Variants in ADGRL2 observed in about 807,000 individuals in gnomAD.
ADGRL2 encodes the protein adhesion G protein-coupled receptor L2.
A neutral mutation model predicts 157.4 loss-of-function variants in ADGRL2; 44 were observed. The observed-to-expected ratio is 0.28, with a 90% CI of 0.22 to 0.36. The LOEUF (loss-of-function observed/expected upper bound fraction) is 0.36, where lower values mean the gene tolerates loss of function less well. Ranked by LOEUF, ADGRL2 falls within the 10% of genes least tolerant of loss-of-function variation. ADGRL2 has a pLI of 1.00. For missense variants in ADGRL2, 1,510 were observed against 1,768.9 expected (o/e 0.85, Z 2.63); for synonymous variants, 585 against 624.7 (o/e 0.94, Z 0.95).
chr1:81,983,141 G>A (rs923811299), intron 19 of ADGRL2, among the ~76,000 whole-genome samples: 2 of 151,856 alleles, frequency 1.3e-5, no homozygotes, highest in African/African-American at 2.4e-5. Context: ...AAAGGAGTGA[G>A]GTAGTCATTA....
intron 2 of ADGRL2, among the ~76,000 whole-genome samples, chr1:81,453,154 A>G (rs2077733263): frequency 6.6e-6 from 1 of 152,216 alleles, no homozygotes; most frequent in African/African-American, 2.4e-5. Context: ...TATGTGATAC[A>G]TTGGGGGAAA....
At chr1:81,403,228 G>GTT (rs11338962) in intron 1 of ADGRL2, among the ~76,000 whole-genome samples, 111 of 129,578 alleles carry the variant, frequency 8.6e-4, no homozygotes, top group East Asian at 2.9e-3. Flanking sequence ...ACTTTTCCTT[G>GTT]TTTTTTTTTT....
intron 2 of ADGRL2, among the ~76,000 whole-genome samples, chr1:81,478,504 T>C (rs908044467): frequency 6.6e-6 from 1 of 152,256 alleles, no homozygotes; most frequent in East Asian, 1.9e-4. Flanking sequence ...TAAGTGCAGC[T>C]GGTGCTGGCA....
At chr1:81,681,651 AAGTTTTCATTAACATCTTGC>A (rs2083116401) in intron 3 of ADGRL2, among the ~76,000 whole-genome samples, 1 of 152,214 alleles carries the variant, frequency 6.6e-6, no homozygotes, top group South Asian at 2.1e-4. Context: ...GCAGCTGTGT[AAGTTTTCATTAACATCTTGC>A]AGGTGGAGCC....
intron 1 of ADGRL2, among the ~76,000 whole-genome samples, chr1:81,383,001 T>C (rs751526920): frequency 2.0e-5 from 3 of 152,204 alleles, no homozygotes; most frequent in Non-Finnish European, 2.9e-5. Flanking sequence ...TTCAGACTTG[T>C]ATGTGTTAAG....
chr1:81,860,794 T>A (rs1006193929), intron 2 of ADGRL2, among the ~76,000 whole-genome samples: 3 of 152,188 alleles, frequency 2.0e-5, no homozygotes, highest in Admixed American at 6.6e-5. Context: ...ATAAAGTTAG[T>A]CTACTATAGG....
At chr1:81,723,245 T>C (rs932954317) in intron 1 of ADGRL2, among the ~76,000 whole-genome samples, 2 of 152,148 alleles carry the variant, frequency 1.3e-5, no homozygotes, top group Non-Finnish European at 2.9e-5. Context: ...TTTACAGTGG[T>C]TTGCCATTAG....
At chr1:81,307,603 G>T (rs1191774757) in intron 1 of ADGRL2, among the ~76,000 whole-genome samples, 2 of 152,076 alleles carry the variant, frequency 1.3e-5, no homozygotes, top group African/African-American at 4.8e-5. Flanking sequence ...GACAAGGCTA[G>T]TTAATCTCTT....
At chr1:81,846,374 T>TA (rs34816127) in intron 2 of ADGRL2, among the ~76,000 whole-genome samples, 20,390 of 93,742 alleles carry the variant, frequency 0.22, 2,448 homozygotes, top group Middle Eastern at 0.38. Context: ...TTTATGTTGT[T>TA]AAACAGCCGA....
chr1:81,647,377 T>A (rs1407078882), intron 3 of ADGRL2, among the ~76,000 whole-genome samples: 2 of 152,180 alleles, frequency 1.3e-5, no homozygotes, highest in Non-Finnish European at 2.9e-5. Context: ...ATTTGAAATC[T>A]GAAATGCTCC....
chr1:81,399,547 T>G (rs992141782), intron 1 of ADGRL2, among the ~76,000 whole-genome samples: 1 of 152,216 alleles, frequency 6.6e-6, no homozygotes, highest in Non-Finnish European at 1.5e-5. Flanking sequence ...GATTCATTCT[T>G]CTGCTTAACC....
At chr1:81,402,959 T>C (rs918971114) in intron 1 of ADGRL2, among the ~76,000 whole-genome samples, 5 of 152,214 alleles carry the variant, frequency 3.3e-5, no homozygotes, top group Non-Finnish European at 7.3e-5. Flanking sequence ...CTACATATAA[T>C]TCTTACATTC....
chr1:81,308,010 T>G (rs1314683887), intron 1 of ADGRL2, among the ~76,000 whole-genome samples: 1 of 152,116 alleles, frequency 6.6e-6, no homozygotes, highest in African/African-American at 2.4e-5. Flanking sequence ...ATAAATATGT[T>G]CTGCTTCGTG....
At chr1:81,564,110 T>A (rs915934994) in intron 2 of ADGRL2, among the ~76,000 whole-genome samples, 1 of 152,198 alleles carries the variant, frequency 6.6e-6, no homozygotes, top group Non-Finnish European at 1.5e-5. Context: ...ATGTGTATAT[T>A]CATAGTCACT....
At chr1:81,473,175 G>A (rs1332415063) in intron 2 of ADGRL2, among the ~76,000 whole-genome samples, 1 of 152,084 alleles carries the variant, frequency 6.6e-6, no homozygotes, top group Non-Finnish European at 1.5e-5. Flanking sequence ...TGGTGTGATC[G>A]GCAAGAAAGG....
At chr1:81,686,900 T>C (rs2083239068) in intron 3 of ADGRL2, among the ~76,000 whole-genome samples, 1 of 152,204 alleles carries the variant, frequency 6.6e-6, no homozygotes. Context: ...CCCAAGATCA[T>C]TCAGGAGCAG....
chr1:81,445,297 T>C (rs1003713285), intron 2 of ADGRL2, among the ~76,000 whole-genome samples: 6 of 152,140 alleles, frequency 3.9e-5, no homozygotes, highest in Non-Finnish European at 7.3e-5. Flanking sequence ...TCTCCATGAG[T>C]CAGGTTATTC....
At chr1:81,624,423 A>C (rs893904961) in intron 3 of ADGRL2, among the ~76,000 whole-genome samples, 4 of 151,954 alleles carry the variant, frequency 2.6e-5, no homozygotes, top group African/African-American at 7.3e-5. Context: ...CCTACTAAAA[A>C]TACAAAAATT....
chr1:81,826,018 T>C (rs1436548095), intron 1 of ADGRL2, among the ~76,000 whole-genome samples: 1 of 152,174 alleles, frequency 6.6e-6, no homozygotes, highest in Non-Finnish European at 1.5e-5. Flanking sequence ...GAACAGTGAA[T>C]GTGTACCTCT....
Sources: gnomAD v4.1 joint callset for allele counts (sites outside exome capture counted in the v4.1 genomes callset) on GRCh38, gnomAD v4.1.1 for gene constraint, MANE v1.5 for transcripts, NCBI Gene and HGNC (gene_info 2026-07-23, HGNC 2026-07-21) for gene names.